PARP1: variants seen among roughly 807,000 people sequenced by gnomAD.
PARP1 encodes poly(ADP-ribose) polymerase 1, also known as poly [ADP-ribose] polymerase 1.
PARP1 carries 44 observed loss-of-function variants against 118.7 expected under a neutral mutation model. That is an observed-to-expected ratio of 0.37 (90% confidence interval 0.29 to 0.48). The LOEUF (loss-of-function observed/expected upper bound fraction) is 0.48. Ranked by LOEUF, PARP1 falls within the 20% of genes least tolerant of loss-of-function variation. The pLI is 0.99. For synonymous variants in PARP1, 492 were observed against 483.2 expected (o/e 1.02, Z -0.24); for missense variants, 1,100 against 1,272.4 (o/e 0.86, Z 2.06).
chr1:226,364,944 T>C (rs1664227124), intron 19 of PARP1, 58 bp downstream of exon 19: 1 of 1,598,898 alleles, frequency 6.3e-7, no homozygotes, highest in Non-Finnish European at 8.6e-7. Context: ...TCAAAGTTCT[T>C]TATGGAGACA....
intron 3 of PARP1, among the ~76,000 whole-genome samples, chr1:226,391,246 C>T (rs1344426076): frequency 6.6e-6 from 1 of 152,094 alleles, no homozygotes; most frequent in African/African-American, 2.4e-5. Context: ...GCCCCCAATG[C>T]AGCACTTTTG....
intron 6 of PARP1, among the ~76,000 whole-genome samples, 184 bp downstream of exon 6, chr1:226,386,142 C>T (rs1016947575): frequency 6.6e-6 from 1 of 152,214 alleles, no homozygotes; most frequent in African/African-American, 2.4e-5. Flanking sequence ...GCCCCATCCA[C>T]CCCGGAAAAA....
chr1:226,367,335 G>A, intron 17 of PARP1, 145 bp downstream of exon 17: 2 of 974,228 alleles, frequency 2.1e-6, no homozygotes, highest in East Asian at 2.4e-5. Flanking sequence ...CAATGTCCGG[G>A]AACTTGTTAG....
chr1:226,383,137 T>C lies in PARP1; in HGVS notation c.1058A>G (p.Gln353Arg), dbSNP rs1220396550. The C allele has an allele frequency of 6.2e-7, 1 of 1,612,992 alleles. No individual in the cohort carries two copies. Among genetic ancestry groups the C allele is most frequent in the Non-Finnish European group, 8.5e-7 (1 of 1,179,548 alleles). The part of the protein sequence containing the change: ...SYLKKLKVKK[Q>R]DRIFPPETSA... The stretch of plus-strand genomic sequence containing the variant: ...GGTTTCTGGGGGGAATATACGGTCC[T>C]GTTTTTTAACCTTCAATTTCTTGAG... The change falls in exon 8 of 23, where the codon CAG (glutamine) becomes CGG (arginine). Residue 353 changes from glutamine (Q) to arginine (R), a missense_variant. By Grantham distance (43) the Gln-to-Arg change is conservative. This residue lies in a region of PARP1 where 948 missense variants were observed against 1,031.8 expected (regional missense o/e 0.92). Transcript: ENST00000366794.
At chr1:226,371,886 G>T (rs1182091645) in intron 14 of PARP1, among the ~76,000 whole-genome samples, 1 of 152,214 alleles carries the variant, frequency 6.6e-6, no homozygotes, top group Non-Finnish European at 1.5e-5. Flanking sequence ...ATAAGAGGTG[G>T]GCTCCATCCA....
chr1:226,362,064 A>G lies in PARP1; in HGVS notation c.2868T>C (p.Pro956=). 1 of 1,613,382 alleles carries G rather than the reference A, an allele frequency of 6.2e-7. No individual in the cohort carries two copies. The highest frequency in any genetic ancestry group is 2.2e-5 in the East Asian group (1 of 44,888). Residue 956 remains proline (P), a synonymous_variant, in exon 22 of 23, where the codon CCT becomes CCC. Transcript: ENST00000366794. Reference sequence around the variant, plus strand: ...CCAGACTAATGTTAGCTGAAGGATCAGGGGTAGTTTTGCCCAAACCTGAAA... The same window carrying G: ...CCAGACTAATGTTAGCTGAAGGATCGGGGGTAGTTTTGCCCAAACCTGAAA... The part of the protein sequence containing the change: ...HSVKGLGKTT[P]DPSANISLDG...
intron 3 of PARP1, among the ~76,000 whole-genome samples, chr1:226,391,243 A>T (rs999604932): frequency 6.6e-6 from 1 of 151,896 alleles, no homozygotes; most frequent in Non-Finnish European, 1.5e-5. Context: ...CCAGCCCCCA[A>T]TGCAGCACTT....
intron 17 of PARP1, 180 bp downstream of exon 17, chr1:226,367,300 A>G: frequency 1.4e-6 from 1 of 732,468 alleles, no homozygotes; most frequent in Non-Finnish European, 2.4e-6. Flanking sequence ...GAAACGCCCA[A>G]AGGTTCTCAA....
intron 14 of PARP1, among the ~76,000 whole-genome samples, chr1:226,373,653 CT>C (rs1308309602): frequency 6.6e-6 from 1 of 152,176 alleles, no homozygotes; most frequent in Non-Finnish European, 1.5e-5. Flanking sequence ...CACTGCCAAC[CT>C]TTTAAAAACT....
At chr1:226,392,453 ATCTG>A in intron 2 of PARP1, 139 bp from the exon 3 acceptor site, 3 of 731,546 alleles carry the variant, frequency 4.1e-6, no homozygotes, top group South Asian at 2.8e-5. Context: ...GGTCCATCTC[ATCTG>A]TCTGTTTGTA....
At position 226,407,916 on chromosome 1, in the gene PARP1, G is replaced by A. The variant is rs201256399; in HGVS notation, c.14C>T (p.Ser5Leu). The A allele has an allele frequency of 2.5e-6, 4 of 1,612,354 alleles. No individual in the cohort carries two copies. The highest frequency in any genetic ancestry group is 2.2e-5 in the South Asian group (2 of 91,034). Residue 5 changes from serine (S) to leucine (L), a missense_variant, in exon 1 of 23, where the codon TCG becomes TTG. Around this residue, in one of 2 missense-constraint regions of PARP1, gnomAD observed 948 missense variants for 1,031.8 expected, o/e 0.92. Transcript: ENST00000366794. ...GTACTCGACTCGATAGAGCTTATCC[G>A]AAGACTCCGCCATCCTCCCCTAGCT... is the stretch of plus-strand genomic sequence containing the variant. The part of the protein sequence containing the change: MAES[S>L]DKLYRVEYAK...
intron 2 of PARP1, among the ~76,000 whole-genome samples, chr1:226,395,783 G>A (rs1410382256): frequency 3.3e-5 from 5 of 152,160 alleles, no homozygotes; most frequent in African/African-American, 9.7e-5. Flanking sequence ...GCTGCAACAC[G>A]GACGAACCCA....
rs1303347643 is a variant in PARP1, at chr1:226,364,090, A to C, written c.2659-20T>G. On this transcript the variant is annotated intron_variant, in intron 19 of 22. Coordinates refer to ENST00000366794, the MANE Select transcript of PARP1 (RefSeq NM_001618.4). The stretch of plus-strand genomic sequence containing the variant: ...GCCTGTCTGGAAGGTCGGAAAAGGG[A>C]GAGCTGAGAATCTTCTGATGGGAAA... 2 of 1,613,198 alleles carry C rather than the reference A, an allele frequency of 1.2e-6. No individual in the cohort carries two copies. Among genetic ancestry groups the C allele is most frequent in the East Asian group, 2.2e-5 (1 of 44,872 alleles).
chr1:226,399,714 A>G (rs891318138), intron 2 of PARP1, among the ~76,000 whole-genome samples: 1 of 152,200 alleles, frequency 6.6e-6, no homozygotes, highest in African/African-American at 2.4e-5. Flanking sequence ...AGTTATAACC[A>G]TGGACCACTC....
At chr1:226,386,280 G>A in intron 6 of PARP1, 46 bp downstream of exon 6, 1 of 1,129,082 alleles carries the variant, frequency 8.9e-7, no homozygotes, top group Non-Finnish European at 1.4e-6. Flanking sequence ...CACAACGACG[G>A]GGTCGGCCTC....
Position 226,363,143 on chromosome 1 carries a change from G to C in PARP1, c.2804C>G (p.Ala935Gly), listed in dbSNP as rs1030741160. Residue 935 changes from alanine to glycine, a missense_variant, in exon 21 of 23, where the codon GCT (alanine) becomes GGT (glycine). Ala to Gly is a moderately conservative substitution (Grantham distance 60). Transcript: ENST00000366794. ...CTTGGGTAACTTGCTGATATGTGAA[G>C]CGTGCTTCAGTTCATACCTATTCAA... ...ALGNMYELKH[A>G]SHISKLPKGK... 8.7e-6 allele frequency: 14 copies of C among 1,613,406 alleles called. No individual in the cohort carries two copies. Among genetic ancestry groups the C allele is most frequent in the Non-Finnish European group, 1.2e-5 (14 of 1,179,312 alleles).
intron 3 of PARP1, among the ~76,000 whole-genome samples, chr1:226,391,143 C>G (rs1159562459): frequency 6.6e-6 from 1 of 151,558 alleles, no homozygotes; most frequent in African/African-American, 2.4e-5. Flanking sequence ...AATTTTTTTG[C>G]AGAGATGAGG....
intron 20 of PARP1, 62 bp downstream of exon 20, chr1:226,363,881 C>T: frequency 6.3e-7 from 1 of 1,590,254 alleles, no homozygotes; most frequent in Non-Finnish European, 8.6e-7. Context: ...GGGAGTTCTG[C>T]CTATAGCCCA....
chr1:226,407,770 C>A, intron 1 of PARP1, 40 bp downstream of exon 1: 1 of 1,540,516 alleles, frequency 6.5e-7, no homozygotes, highest in East Asian at 2.5e-5. Context: ...TAACCCGGGG[C>A]GCCGCGTCCC....
Sources: gnomAD v4.1 joint callset for allele counts (sites outside exome capture counted in the v4.1 genomes callset) on GRCh38, gnomAD v4.1.1 for gene constraint, gnomAD v4.1.1 regional missense constraint, MANE v1.5 for transcripts, NCBI Gene and HGNC (gene_info 2026-07-23, HGNC 2026-07-21) for gene names.